SEMA5A: variants seen among roughly 807,000 people sequenced by gnomAD.
The protein encoded by SEMA5A is semaphorin 5A, also known as semaphorin-5A.
In SEMA5A, 55 loss-of-function variants were observed where a neutral mutation model predicts 135.5. The observed-to-expected ratio is 0.41, with a 90% CI of 0.33 to 0.51. The LOEUF (loss-of-function observed/expected upper bound fraction) is 0.51, where lower values mean the gene tolerates loss of function less well. Ranked by LOEUF, SEMA5A falls within the 20% of genes least tolerant of loss-of-function variation. The probability of loss-of-function intolerance (pLI) is 0.37; values close to 1 mark genes in which losing one functional copy is unlikely to be tolerated. For missense variants in SEMA5A, 1,290 were observed against 1,419.9 expected (o/e 0.91, Z 1.47); for synonymous variants, 580 against 546.5 (o/e 1.06, Z -0.85).
chr5:9,441,670 C>G (rs924602465), intron 1 of SEMA5A, among the ~76,000 whole-genome samples: 5 of 152,160 alleles, frequency 3.3e-5, no homozygotes, highest in African/African-American at 1.2e-4. Context: ...AGGAAGTAAA[C>G]AGGAGGGTGG....
At chr5:9,266,389 G>A (rs969240668) in intron 5 of SEMA5A, among the ~76,000 whole-genome samples, 5 of 152,066 alleles carry the variant, frequency 3.3e-5, no homozygotes, top group Non-Finnish European at 5.9e-5. Context: ...GATCTGGAGG[G>A]TTTCCTGTTA....
intron 1 of SEMA5A, among the ~76,000 whole-genome samples, chr5:9,533,855 G>A (rs577045736): frequency 1.6e-4 from 24 of 152,252 alleles, no homozygotes; most frequent in Non-Finnish European, 2.1e-4. Context: ...GCTGGAACCC[G>A]TGGCCCCCTT....
chr5:9,475,252 A>C (rs957055534), intron 1 of SEMA5A, among the ~76,000 whole-genome samples: 1 of 152,204 alleles, frequency 6.6e-6, no homozygotes, highest in Admixed American at 6.5e-5. Flanking sequence ...TTTAAATGTC[A>C]TGGCCTCACA....
intron 3 of SEMA5A, 32 bp from the exon 4 acceptor site, chr5:9,337,844 A>G (rs202004917): frequency 4.1e-5 from 59 of 1,453,782 alleles, no homozygotes; most frequent in Non-Finnish European, 5.2e-5. Flanking sequence ...ATAAAAAGAT[A>G]AAAATGAATT....
chr5:9,222,775 G>A (rs1218969633), intron 8 of SEMA5A, among the ~76,000 whole-genome samples: 1 of 152,196 alleles, frequency 6.6e-6, no homozygotes, highest in Non-Finnish European at 1.5e-5. Flanking sequence ...TGGAAAAGGA[G>A]AATTCACAGA....
intron 5 of SEMA5A, among the ~76,000 whole-genome samples, chr5:9,242,823 C>A (rs1748276356): frequency 6.6e-6 from 1 of 152,090 alleles, no homozygotes; most frequent in South Asian, 2.1e-4. Context: ...TTAAAAAAGA[C>A]TGGAATCGCA....
At chr5:9,201,691 A>G (rs944787022) in intron 9 of SEMA5A, among the ~76,000 whole-genome samples, 2 of 152,184 alleles carry the variant, frequency 1.3e-5, no homozygotes, top group African/African-American at 4.8e-5. Context: ...AGCAATTTAT[A>G]ATAGAATAAT....
At chr5:9,284,106 T>TAGAG (rs3034563) in intron 5 of SEMA5A, among the ~76,000 whole-genome samples, 53,967 of 148,326 alleles carry the variant, frequency 0.36, 9,971 homozygotes, top group Middle Eastern at 0.43. Flanking sequence ...AGATAGATAT[T>TAGAG]AGAGAGAGAG....
At chr5:9,121,005 C>T (rs188647171) in intron 14 of SEMA5A, among the ~76,000 whole-genome samples, 2 of 152,066 alleles carry the variant, frequency 1.3e-5, no homozygotes, top group South Asian at 2.1e-4. Context: ...TTTGAACTCC[C>T]GACCTCAGGT....
chr5:9,079,044 G>A (rs182137862), intron 16 of SEMA5A, among the ~76,000 whole-genome samples: 254 of 151,986 alleles, frequency 1.7e-3, no homozygotes, highest in African/African-American at 3.2e-3. Context: ...AATGTGAATC[G>A]CATGGCTTAA....
chr5:9,103,686 G>A (rs1009319677), intron 16 of SEMA5A, among the ~76,000 whole-genome samples: 7 of 152,228 alleles, frequency 4.6e-5, no homozygotes, highest in Non-Finnish European at 7.4e-5. Context: ...TGTATCTGAC[G>A]CTGTCTTTGG....
chr5:9,434,079 T>C (rs1757947812), intron 2 of SEMA5A, among the ~76,000 whole-genome samples: 1 of 152,214 alleles, frequency 6.6e-6, no homozygotes, highest in Admixed American at 6.5e-5. Context: ...TTCATGTTCA[T>C]TTCAGCATGG....
At chr5:9,543,614 C>A (rs1738214195) in intron 1 of SEMA5A, among the ~76,000 whole-genome samples, 1 of 152,102 alleles carries the variant, frequency 6.6e-6, no homozygotes, top group African/African-American at 2.4e-5. Context: ...TCTGTCTTCT[C>A]CCTGTTAATA....
At chr5:9,409,441 T>C (rs1169052783) in intron 2 of SEMA5A, among the ~76,000 whole-genome samples, 1 of 152,198 alleles carries the variant, frequency 6.6e-6, no homozygotes, top group Non-Finnish European at 1.5e-5. Context: ...TGTACTCATC[T>C]GGTAGGCTGA....
In SEMA5A at chr5:9,378,940, T is replaced by A. The variant is rs540833511; in HGVS notation, c.124+883A>T. On this transcript the variant is annotated intron_variant, in intron 3 of 22. Coordinates refer to ENST00000382496, the MANE Select transcript of SEMA5A (RefSeq NM_003966.3). ...TGGATAAAATTATTTGATTTTTTTT[T>A]AATTTCCTCCAAAATAATTTAATGG... Among the ~76,000 whole-genome samples the A allele has an allele frequency of 1.6e-4, 24 of 151,994 alleles. No homozygotes were observed. The East Asian group carries it at 2.5e-3, about 16-fold the overall frequency.
At chr5:9,314,274 G>C (rs887540767) in intron 5 of SEMA5A, among the ~76,000 whole-genome samples, 1 of 151,606 alleles carries the variant, frequency 6.6e-6, no homozygotes, top group Non-Finnish European at 1.5e-5. Flanking sequence ...TTTTCCAATG[G>C]GGCGCACCAG....
intron 16 of SEMA5A, among the ~76,000 whole-genome samples, chr5:9,083,644 T>A (rs192385774): frequency 1.3e-4 from 20 of 152,204 alleles, no homozygotes; most frequent in African/African-American, 3.9e-4. Context: ...CTTTCAGTTA[T>A]CACTGTTGGA....
chr5:9,354,185 A>G lies in SEMA5A; in HGVS notation c.125-16373T>C, dbSNP rs550256097. On this transcript the variant is annotated intron_variant, in intron 3 of 22. Coordinates refer to ENST00000382496, the MANE Select transcript of SEMA5A (RefSeq NM_003966.3). ...TTGCCCTTTTTGGTGTATTTTGGCC[A>G]ATCTCTTCATGCTTTCATTTCAAGG... Among the ~76,000 whole-genome samples, 19 of 152,230 alleles carry G rather than the reference A, an allele frequency of 1.2e-4. No individual in the cohort carries two copies. The South Asian group carries it at 3.3e-3, about 27-fold the overall frequency.
intron 1 of SEMA5A, among the ~76,000 whole-genome samples, chr5:9,508,678 C>T (rs539136802): frequency 6.6e-6 from 1 of 152,188 alleles, no homozygotes; most frequent in African/African-American, 2.4e-5. Flanking sequence ...TAAGGTCTTC[C>T]TTGAAGTCCC....
Sources: allele counts gnomAD v4.1 joint callset (sites outside exome capture counted in the v4.1 genomes callset), GRCh38; gene constraint gnomAD v4.1.1; transcripts MANE v1.5; gene names NCBI Gene and HGNC (gene_info 2026-07-23, HGNC 2026-07-21).